Variants in SLC9A9 observed in about 807,000 individuals in gnomAD.
The protein encoded by SLC9A9 is sodium/hydrogen exchanger 9.
A neutral mutation model predicts 77.8 loss-of-function variants in SLC9A9; 62 were observed. The observed-to-expected ratio is 0.80, with a 90% CI of 0.65 to 0.98. The LOEUF (loss-of-function observed/expected upper bound fraction) is 0.98. Ranked by LOEUF, SLC9A9 falls within the 50% of genes least tolerant of loss-of-function variation. The pLI, the probability that SLC9A9 is intolerant of heterozygous loss-of-function variation, is 0.00. For missense variants in SLC9A9, 775 were observed against 774.9 expected (o/e 1.00, Z 0.00); for synonymous variants, 320 against 283.5 (o/e 1.13, Z -1.29).
At chr3:143,561,452 A>C (rs1173158526) in intron 8 of SLC9A9, among the ~76,000 whole-genome samples, 1 of 151,212 alleles carries the variant, frequency 6.6e-6, no homozygotes, top group Non-Finnish European at 1.5e-5. Context: ...AACCAAGAAA[A>C]ATGAAAAAGT....
intron 14 of SLC9A9, among the ~76,000 whole-genome samples, chr3:143,347,852 G>T (rs1052851459): frequency 1.3e-5 from 2 of 152,158 alleles, no homozygotes; most frequent in South Asian, 4.2e-4. Context: ...TGATACGGGG[G>T]ATGCCATTAG....
intron 6 of SLC9A9, among the ~76,000 whole-genome samples, chr3:143,621,659 T>C (rs2038215144): frequency 6.6e-6 from 1 of 151,854 alleles, no homozygotes; most frequent in East Asian, 1.9e-4. Context: ...ACCACAAAGA[T>C]GGGGAAAAAA....
intron 5 of SLC9A9, among the ~76,000 whole-genome samples, chr3:143,652,991 C>A (rs1223449616): frequency 1.3e-5 from 2 of 152,174 alleles, no homozygotes; most frequent in South Asian, 4.1e-4. Flanking sequence ...TGGGGTTCAT[C>A]TTTGGACACA....
intron 12 of SLC9A9, among the ~76,000 whole-genome samples, chr3:143,393,459 A>G (rs142220709): frequency 6.6e-6 from 1 of 152,244 alleles, no homozygotes; most frequent in East Asian, 1.9e-4. Context: ...CAGTGTGTAG[A>G]GGGAAACTTA....
rs190905869 is a variant in SLC9A9 at position 143,579,030 on chromosome 3, C to T, written c.756-307G>A. ...AAAACATGGTAGGTGTATAAGGAAT[C>T]TGCTGAGAAGATAGATAACTGTGAA... On this transcript the variant is annotated intron_variant, in intron 6 of 15. Transcript: ENST00000316549. 1.2e-4 allele frequency among the ~76,000 whole-genome samples: 18 copies of T among 152,318 alleles called. No homozygotes were observed. In the East Asian group the frequency reaches 3.5e-3, roughly 29 times the overall value.
intron 9 of SLC9A9, among the ~76,000 whole-genome samples, chr3:143,537,801 G>C (rs533797473): frequency 1.3e-5 from 2 of 152,262 alleles, no homozygotes; most frequent in East Asian, 3.9e-4. Flanking sequence ...AAGCATACCA[G>C]CAGGCAGGTG....
chr3:143,605,095 T>A (rs1166970271), intron 6 of SLC9A9, among the ~76,000 whole-genome samples: 31 of 152,124 alleles, frequency 2.0e-4, no homozygotes, highest in Admixed American at 2.0e-3. Context: ...ACAAGTGGTC[T>A]CTATATTTTC....
At chr3:143,547,763 T>C (rs1232895759) in intron 9 of SLC9A9, among the ~76,000 whole-genome samples, 1 of 152,224 alleles carries the variant, frequency 6.6e-6, no homozygotes, top group Admixed American at 6.5e-5. Flanking sequence ...GGACACCCAA[T>C]CTAATATTAC....
intron 4 of SLC9A9, among the ~76,000 whole-genome samples, chr3:143,776,744 G>T (rs1008732850): frequency 6.6e-6 from 1 of 152,142 alleles, no homozygotes; most frequent in Admixed American, 6.5e-5. Context: ...TACTAGAACA[G>T]AATCTTTTCA....
At chr3:143,841,023 G>GA (rs200300845) in intron 1 of SLC9A9, among the ~76,000 whole-genome samples, 4,267 of 152,254 alleles carry the variant, frequency 0.028, 77 homozygotes, top group Middle Eastern at 0.068. Flanking sequence ...GGAGCGAACA[G>GA]TTAATTAAAA....
intron 6 of SLC9A9, among the ~76,000 whole-genome samples, chr3:143,622,450 G>A (rs1013930390): frequency 6.6e-6 from 1 of 152,142 alleles, no homozygotes; most frequent in African/African-American, 2.4e-5. Flanking sequence ...AAGAGAGTGG[G>A]GGCCAATATT....
chr3:143,767,966 C>CCTTG (rs1560070415), intron 4 of SLC9A9, among the ~76,000 whole-genome samples: 1 of 151,628 alleles, frequency 6.6e-6, no homozygotes, highest in African/African-American at 2.4e-5. Flanking sequence ...CTAATGTTTG[C>CCTTG]TTTGCTGTTA....
chr3:143,732,543 C>G (rs1398668477), intron 4 of SLC9A9, among the ~76,000 whole-genome samples: 1 of 152,202 alleles, frequency 6.6e-6, no homozygotes, highest in Non-Finnish European at 1.5e-5. Context: ...GTGTGACTGT[C>G]TCAATGAGAC....
chr3:143,507,078 T>A (rs80347939), intron 9 of SLC9A9, among the ~76,000 whole-genome samples: 1 of 150,960 alleles, frequency 6.6e-6, no homozygotes, highest in Non-Finnish European at 1.5e-5. Context: ...GTGCATATTA[T>A]CTTAAGATTT....
intron 14 of SLC9A9, among the ~76,000 whole-genome samples, chr3:143,286,293 T>G (rs1217064157): frequency 6.6e-6 from 1 of 152,162 alleles, no homozygotes; most frequent in Non-Finnish European, 1.5e-5. Context: ...TCAATAAACC[T>G]TCCCAGGACC....
chr3:143,607,712 C>A (rs1428820666), intron 6 of SLC9A9, among the ~76,000 whole-genome samples: 1 of 151,548 alleles, frequency 6.6e-6, no homozygotes, highest in Non-Finnish European at 1.5e-5. Context: ...AATAATCAAT[C>A]CAAACAAAAT....
intron 11 of SLC9A9, among the ~76,000 whole-genome samples, chr3:143,485,708 A>T (rs939891460): frequency 6.6e-6 from 1 of 152,186 alleles, no homozygotes; most frequent in Non-Finnish European, 1.5e-5. Flanking sequence ...ATCACAAGGT[A>T]TACAGAGAAA....
chr3:143,282,416 G>A (rs1254341292), intron 14 of SLC9A9, among the ~76,000 whole-genome samples: 3 of 152,132 alleles, frequency 2.0e-5, no homozygotes, highest in African/African-American at 4.8e-5. Context: ...TCTTCACTTT[G>A]TCTTTCTGGG....
chr3:143,813,823 A>C (rs1247827112), intron 2 of SLC9A9, among the ~76,000 whole-genome samples: 1 of 152,188 alleles, frequency 6.6e-6, no homozygotes. Flanking sequence ...GGCCATGTGA[A>C]TGTATTACCT....
Sources: gnomAD v4.1 joint callset for allele counts (sites outside exome capture counted in the v4.1 genomes callset) on GRCh38, gnomAD v4.1.1 for gene constraint, MANE v1.5 for transcripts, NCBI Gene and HGNC (gene_info 2026-07-23, HGNC 2026-07-21) for gene names.